The following MYO16 variants were observed in gnomAD, a reference collection of about 807,000 sequenced individuals.
MYO16 encodes the protein unconventional myosin-XVI.
MYO16 carries 94 observed loss-of-function variants against 205.3 expected under a neutral mutation model. The ratio of observed to expected loss-of-function variants is 0.46; its 90% confidence interval spans 0.39 to 0.54. The LOEUF is 0.54. Ranked by LOEUF, MYO16 falls within the 20% of genes least tolerant of loss-of-function variation. The pLI is 0.00. For synonymous variants in MYO16, 988 were observed against 954.0 expected (o/e 1.04, Z -0.66); for missense variants, 2,315 against 2,387.5 (o/e 0.97, Z 0.63).
Position 109,113,181 on chromosome 13 carries a change from A to G in MYO16, c.3439-7189A>G, listed in dbSNP as rs536564075. On this transcript the variant is annotated intron_variant, in intron 28 of 34. Coordinates refer to ENST00000457511, the MANE Select transcript of MYO16 (RefSeq NM_001198950.3). Reference sequence around the variant, plus strand: ...TGTATTGAATAAGTTCTAGAAGCCTACTATACAACATTTCACTGCTATTTA... The same window carrying G: ...TGTATTGAATAAGTTCTAGAAGCCTGCTATACAACATTTCACTGCTATTTA... 2.6e-5 allele frequency among the ~76,000 whole-genome samples: 4 copies of G among 152,344 alleles called. No homozygotes were observed. The East Asian group carries it at 5.8e-4, about 22-fold the overall frequency.
At chr13:108,951,886 C>T (rs1357121525) in intron 16 of MYO16, among the ~76,000 whole-genome samples, 1 of 152,090 alleles carries the variant, frequency 6.6e-6, no homozygotes, top group Non-Finnish European at 1.5e-5. Context: ...GCCAGATCAC[C>T]TGAGGTCAGG....
intron 24 of MYO16, 93 bp from the exon 25 acceptor site, chr13:109,052,207 T>C: frequency 9.3e-7 from 1 of 1,070,304 alleles, no homozygotes; most frequent in East Asian, 2.4e-5. Context: ...ACCCAGAATG[T>C]ATCAGTGGCT....
chr13:108,862,148 C>G (rs1202328624), intron 11 of MYO16, among the ~76,000 whole-genome samples: 2 of 152,098 alleles, frequency 1.3e-5, no homozygotes, highest in Non-Finnish European at 2.9e-5. Context: ...TCGAAATCCT[C>G]AAAAATCAAA....
the MYO16 span, among the ~76,000 whole-genome samples, chr13:108,501,571 C>T: frequency 6.6e-6 from 1 of 152,208 alleles, no homozygotes; most frequent in Non-Finnish European, 1.5e-5. Flanking sequence ...TCCCTGTGCT[C>T]TTAGCACCTT....
intron 16 of MYO16, among the ~76,000 whole-genome samples, chr13:108,951,450 T>C (rs1011712442): frequency 4.6e-5 from 7 of 152,238 alleles, no homozygotes; most frequent in African/African-American, 1.7e-4. Context: ...TGGGGTTGGC[T>C]GGACGCCTTC....
intron 28 of MYO16, among the ~76,000 whole-genome samples, chr13:109,111,048 A>G (rs1889267816): frequency 1.3e-5 from 2 of 152,238 alleles, no homozygotes; most frequent in Admixed American, 1.3e-4. Flanking sequence ...TGACGGATGA[A>G]CAAATGTGAG....
chr13:108,923,506 C>T (rs536730428), intron 16 of MYO16, among the ~76,000 whole-genome samples: 32 of 152,322 alleles, frequency 2.1e-4, no homozygotes, highest in African/African-American at 5.5e-4. Flanking sequence ...ACACAGCAGG[C>T]GCTGCCTGGA....
At chr13:108,951,335 G>C (rs1165649300) in intron 16 of MYO16, among the ~76,000 whole-genome samples, 1 of 152,096 alleles carries the variant, frequency 6.6e-6, no homozygotes, top group East Asian at 1.9e-4. Flanking sequence ...AAAACCTCAT[G>C]ATATGAAGTT....
intron 1 of MYO16, among the ~76,000 whole-genome samples, chr13:108,646,419 G>A (rs1257116035): frequency 6.6e-6 from 1 of 152,172 alleles, no homozygotes; most frequent in African/African-American, 2.4e-5. Flanking sequence ...TTAAAGGGTA[G>A]TAATCAAAGT....
At position 109,140,193 on chromosome 13, in the gene MYO16, C is replaced by T; in HGVS notation, c.4052-71C>T. 6 of 1,561,672 alleles carry T rather than the reference C, an allele frequency of 3.8e-6. No homozygotes were observed. Among genetic ancestry groups the T allele is most frequent in the East Asian group, 4.7e-5 (2 of 42,486 alleles). On this transcript the variant is annotated intron_variant, in intron 31 of 34. Transcript: ENST00000457511. The surrounding 1 kb of genome is among the most constrained non-coding windows in gnomAD (Gnocchi z 8.0). ...CACGGGGCCGTGGCTCCCTCCGAGT[C>T]GAGCCCCGGGCTTGGTGGGCACCCG...
intron 30 of MYO16, among the ~76,000 whole-genome samples, chr13:109,126,463 A>G (rs1263504272): frequency 1.3e-5 from 2 of 152,232 alleles, no homozygotes; most frequent in African/African-American, 2.4e-5. Context: ...CTAGCACATG[A>G]TTACGTTGAC....
chr13:108,926,556 C>T (rs12583035), intron 16 of MYO16, among the ~76,000 whole-genome samples: 7,586 of 152,006 alleles, frequency 0.05, 497 homozygotes, highest in East Asian at 0.17. Context: ...CAGAGAGAAA[C>T]GAACACACAG....
At chr13:109,119,808 T>C (rs1566515849) in intron 28 of MYO16, among the ~76,000 whole-genome samples, 1 of 152,244 alleles carries the variant, frequency 6.6e-6, no homozygotes, top group Non-Finnish European at 1.5e-5. Context: ...TGCTCAAAGA[T>C]GACTTTCTCA....
intron 2 of MYO16, among the ~76,000 whole-genome samples, chr13:108,692,780 C>G (rs1223735444): frequency 6.6e-6 from 1 of 152,086 alleles, no homozygotes; most frequent in African/African-American, 2.4e-5. Context: ...AACTAGGAAC[C>G]TGGGAAATAA....
At chr13:109,059,849 A>G (rs974868335) in intron 27 of MYO16, among the ~76,000 whole-genome samples, 5 of 152,096 alleles carry the variant, frequency 3.3e-5, no homozygotes, top group Admixed American at 2.6e-4. Flanking sequence ...CTGTGTCCTG[A>G]GTGGTATTGC....
Position 108,657,812 on chromosome 13 carries a change from T to C in MYO16, c.29-8074T>C, listed in dbSNP as rs765584636. 2.0e-5 allele frequency among the ~76,000 whole-genome samples: 3 copies of C among 152,286 alleles called. No individual in the cohort carries two copies. The Middle Eastern group carries it at 0.01, about 518-fold the overall frequency. On this transcript the variant is annotated intron_variant, in intron 1 of 34. Coordinates refer to ENST00000457511, the MANE Select transcript of MYO16 (RefSeq NM_001198950.3). ...TCCTCTTCCTACCCACATTTTATGC[T>C]CCTTATATATTTTTCTATTTTTTTC...
intron 4 of MYO16, among the ~76,000 whole-genome samples, chr13:108,732,144 A>T (rs1219844111): frequency 6.6e-6 from 1 of 152,220 alleles, no homozygotes; most frequent in Admixed American, 6.5e-5. Context: ...CTATTGTCCA[A>T]TGTGGAAGAC....
In MYO16 at chr13:108,849,003, G is replaced by C. The variant is rs550969399; in HGVS notation, c.1248+4510G>C. Among the ~76,000 whole-genome samples, 67 of 151,928 alleles carry C rather than the reference G, an allele frequency of 4.4e-4. 1 individual carries two copies. The highest frequency in any genetic ancestry group is 5.9e-5 in the Non-Finnish European group (4 of 67,954). On this transcript the variant is annotated intron_variant, in intron 10 of 34. Coordinates refer to ENST00000457511, the MANE Select transcript of MYO16 (RefSeq NM_001198950.3). ...GCAGCCAGGGAAAGGGAAAGGGCCT[G>C]GTAGACTTCACTATTTAAGAAACAC... is the stretch of plus-strand genomic sequence containing the variant.
intron 28 of MYO16, among the ~76,000 whole-genome samples, chr13:109,103,481 G>A (rs143061049): frequency 6.6e-6 from 1 of 152,328 alleles, no homozygotes; most frequent in East Asian, 1.9e-4. Context: ...TTTAAAAGCA[G>A]TGCTGGAGGA....
Sources: gnomAD v4.1 joint callset for allele counts (sites outside exome capture counted in the v4.1 genomes callset) on GRCh38, gnomAD v4.1.1 for gene constraint, Gnocchi (gnomAD v3.1) non-coding constraint, MANE v1.5 for transcripts, NCBI Gene and HGNC (gene_info 2026-07-23, HGNC 2026-07-21) for gene names.